Variants in COL21A1 observed in about 807,000 individuals in gnomAD.
The protein encoded by COL21A1 is collagen type XXI alpha 1 chain, also known as collagen alpha-1(XXI) chain.
In COL21A1, 149 loss-of-function variants were observed where a neutral mutation model predicts 137.9. The observed-to-expected ratio is 1.08, with a 90% CI of 0.95 to 1.24. The LOEUF (loss-of-function observed/expected upper bound fraction) is 1.24, where lower values mean the gene tolerates loss of function less well. COL21A1 is among the 50% of genes most tolerant of loss of function. The pLI, the probability that COL21A1 is intolerant of heterozygous loss-of-function variation, is 0.00. For missense variants in COL21A1, 1,167 were observed against 1,158.4 expected, an observed-to-expected ratio of 1.01 and a Z score of -0.11; for synonymous variants, 456 against 391.5, an observed-to-expected ratio of 1.16 and a Z score of -1.95.
intron 1 of COL21A1, among the ~76,000 whole-genome samples, chr6:56,204,018 G>A (rs1779581487): frequency 1.3e-5 from 2 of 152,138 alleles, no homozygotes; most frequent in African/African-American, 4.8e-5. Flanking sequence ...AGGGCCCTGG[G>A]TTTCAAGCAC....
At chr6:56,120,348 T>C (rs1285871410) in intron 16 of COL21A1, among the ~76,000 whole-genome samples, 1 of 152,184 alleles carries the variant, frequency 6.6e-6, no homozygotes, top group Non-Finnish European at 1.5e-5. Flanking sequence ...TAAAATGAGA[T>C]ATCATCTTAC....
chr6:56,150,513 A>ATCTCAC (rs200658532), intron 10 of COL21A1, among the ~76,000 whole-genome samples: 1 of 102,260 alleles, frequency 9.8e-6, no homozygotes, highest in Admixed American at 9.3e-5. Context: ...GCGAGACTCC[A>ATCTCAC]TCACACACAC....
In COL21A1 at chr6:56,060,802, C is replaced by G; in HGVS notation, c.2353-7G>C. The G allele has an allele frequency of 6.2e-7, 1 of 1,608,038 alleles. No homozygotes were observed. The highest frequency in any genetic ancestry group is 8.5e-7 in the Non-Finnish European group (1 of 1,178,290). ...GTTCTGAAAACTCTCTTCCCTGCAT[C>G]AAAGTGTTAGGGGTTATAACATGCA... On this transcript the variant is annotated splice_region_variant and splice_polypyrimidine_tract_variant and intron_variant, in intron 26 of 29. Coordinates refer to ENST00000244728, the MANE Select transcript of COL21A1 (RefSeq NM_030820.4).
chr6:56,357,035 G>A (rs1219521173), intron 1 of COL21A1, among the ~76,000 whole-genome samples: 1 of 151,960 alleles, frequency 6.6e-6, no homozygotes, highest in Non-Finnish European at 1.5e-5. Context: ...TTTGTAAATA[G>A]GATACATACC....
intron 9 of COL21A1, among the ~76,000 whole-genome samples, chr6:56,158,084 ATAATT>A (rs1775890350): frequency 1.3e-5 from 2 of 152,052 alleles, no homozygotes; most frequent in Admixed American, 6.6e-5. Context: ...AGGGTGTTTT[ATAATT>A]TAATTCTAAA....
chr6:56,074,231 C>A lies in COL21A1; in HGVS notation c.1965+1G>T. The A allele has an allele frequency of 6.3e-7, 1 of 1,579,228 alleles. No individual in the cohort carries two copies. The highest frequency in any genetic ancestry group is 1.2e-5 in the South Asian group (1 of 85,476). ...AGTCTTGTTTATTTTATCATATTTA[C>A]CTTAGATCCCGGTGTTCCAGGCTGG... On this transcript the variant is annotated splice_donor_variant, in intron 20 of 29. Coordinates refer to ENST00000244728, the MANE Select transcript of COL21A1 (RefSeq NM_030820.4). LOFTEE classifies it high-confidence loss of function.
intron 5 of COL21A1, 43 bp downstream of exon 5, chr6:56,170,606 C>T (rs767420358): frequency 1.5e-6 from 2 of 1,331,004 alleles, no homozygotes; most frequent in Non-Finnish European, 2.1e-6. Flanking sequence ...ATAGTGCTTC[C>T]CCATGAATAT....
intron 1 of COL21A1, among the ~76,000 whole-genome samples, chr6:56,187,329 C>T (rs1778366738): frequency 6.6e-6 from 1 of 152,124 alleles, no homozygotes; most frequent in African/African-American, 2.4e-5. Flanking sequence ...AGAACAGAAC[C>T]CTCATGACCC....
chr6:56,286,629 A>G (rs542529537), intron 1 of COL21A1, among the ~76,000 whole-genome samples: 2 of 152,358 alleles, frequency 1.3e-5, no homozygotes, highest in Non-Finnish European at 2.9e-5. Context: ...AAATGTTTAC[A>G]CGGTTTTGTG....
intron 1 of COL21A1, among the ~76,000 whole-genome samples, chr6:56,246,498 CT>C (rs1562022030): frequency 1.3e-5 from 2 of 151,488 alleles, no homozygotes; most frequent in Non-Finnish European, 2.9e-5. Context: ...GGGCAAAACT[CT>C]ACTAATAAAT....
At chr6:56,348,199 C>A (rs1346854485) in intron 1 of COL21A1, among the ~76,000 whole-genome samples, 1 of 152,064 alleles carries the variant, frequency 6.6e-6, no homozygotes, top group East Asian at 1.9e-4. Context: ...GAGAAATCTG[C>A]TTTCTTCCCT....
intron 1 of COL21A1, among the ~76,000 whole-genome samples, chr6:56,299,771 G>T (rs1764239313): frequency 6.6e-6 from 1 of 151,804 alleles, no homozygotes; most frequent in African/African-American, 2.4e-5. Context: ...ATCCCAGAAG[G>T]TCTCTATGTT....
intron 1 of COL21A1, among the ~76,000 whole-genome samples, chr6:56,268,091 C>A (rs1448360291): frequency 6.6e-6 from 1 of 152,126 alleles, no homozygotes; most frequent in African/African-American, 2.4e-5. Context: ...CAGCGCTGAG[C>A]TGGAAGTGTC....
intron 1 of COL21A1, among the ~76,000 whole-genome samples, chr6:56,333,391 C>T (rs2397218): frequency 0.68 from 102,148 of 151,174 alleles, 34,808 homozygotes; most frequent in East Asian, 0.9. Context: ...ACTCATACAG[C>T]ATGTACCCTT....
chr6:56,235,459 G>A (rs1489743152), intron 1 of COL21A1, among the ~76,000 whole-genome samples: 1 of 151,844 alleles, frequency 6.6e-6, no homozygotes, highest in African/African-American at 2.4e-5. Flanking sequence ...ACTTATAAAA[G>A]GAATGAGTCA....
chr6:56,179,520 T>G, intron 3 of COL21A1, 58 bp downstream of exon 3: 4 of 1,297,452 alleles, frequency 3.1e-6, no homozygotes, highest in Non-Finnish European at 3.2e-6. Flanking sequence ...TATATCAAAA[T>G]GTAAAAAGCA....
chr6:56,191,556 C>T (rs1197793602), intron 1 of COL21A1, among the ~76,000 whole-genome samples: 1 of 146,706 alleles, frequency 6.8e-6, no homozygotes, highest in Non-Finnish European at 1.5e-5. Context: ...CACACCACTG[C>T]ACTCCAGCCT....
chr6:56,118,040 C>A (rs1313715194), intron 16 of COL21A1, among the ~76,000 whole-genome samples: 1 of 151,306 alleles, frequency 6.6e-6, no homozygotes, highest in Non-Finnish European at 1.5e-5. Flanking sequence ...AAAAGCAAGG[C>A]AAACCAAACC....
intron 10 of COL21A1, among the ~76,000 whole-genome samples, chr6:56,148,873 CA>C (rs1239796616): frequency 2.6e-5 from 4 of 152,142 alleles, no homozygotes; most frequent in African/African-American, 9.7e-5. Context: ...AGTTCTGGCC[CA>C]CTCCAAGTTA....
Sources: allele counts gnomAD v4.1 joint callset (sites outside exome capture counted in the v4.1 genomes callset), GRCh38; gene constraint gnomAD v4.1.1; transcripts MANE v1.5; gene names NCBI Gene and HGNC (gene_info 2026-07-23, HGNC 2026-07-21).